Variants in TMEM33 observed in about 807,000 individuals in gnomAD.
The protein encoded by TMEM33 is transmembrane protein 33.
A neutral mutation model predicts 29.7 loss-of-function variants in TMEM33; 16 were observed. The observed-to-expected ratio is 0.54, with a 90% confidence interval of 0.36 to 0.82. The LOEUF (loss-of-function observed/expected upper bound fraction) is 0.82. Among genes scored for constraint, TMEM33 ranks in the 40% least tolerant of loss-of-function variants. The probability of loss-of-function intolerance (pLI) is 0.00; values close to 1 mark genes in which losing one functional copy is unlikely to be tolerated. For missense variants in TMEM33, 252 were observed against 295.3 expected, an observed-to-expected ratio of 0.85 and a Z score of 1.08; for synonymous variants, 112 against 109.4, an observed-to-expected ratio of 1.02 and a Z score of -0.15.
intron 1 of TMEM33, 60 bp downstream of exon 1, chr4:41,935,589 C>T: frequency 6.5e-7 from 1 of 1,533,862 alleles, no homozygotes. Context: ...AAGCAGGAAG[C>T]GTTGCGAGTC....
upstream of TMEM33, chr4:41,935,191 C>T (rs563680606): frequency 9.2e-6 from 5 of 543,238 alleles, no homozygotes; most frequent in South Asian, 8.2e-5. Flanking sequence ...CTCTTTAGGG[C>T]TTCACCCCGA....
In TMEM33 at chr4:41,935,549, A is replaced by T. The variant is rs921171856; in HGVS notation, c.45+20A>T. The T allele has an allele frequency of 6.9e-6, 11 of 1,598,118 alleles. No homozygotes were observed. The highest frequency in any genetic ancestry group is 9.4e-6 in the Non-Finnish European group (11 of 1,172,386). Reference sequence around the variant, plus strand: ...GCTGTGGTAAGTGCGAGGGCAGGGTAGTCTGGCTTGATTTGCAAGAGTTAG... The same window carrying T: ...GCTGTGGTAAGTGCGAGGGCAGGGTTGTCTGGCTTGATTTGCAAGAGTTAG... On this transcript the variant is annotated intron_variant, in intron 1 of 6. Coordinates refer to ENST00000504986, the MANE Select transcript of TMEM33 (RefSeq NM_018126.3).
At chr4:41,939,466 A>AC in intron 3 of TMEM33, 83 bp downstream of exon 3, 1 of 1,438,542 alleles carries the variant, frequency 7.0e-7, no homozygotes, top group Non-Finnish European at 9.5e-7. Context: ...CAATGAAGGC[A>AC]TTCCATGAAG....
rs372010259 is a variant in TMEM33, at chr4:41,935,532, A to G, written c.45+3A>G. ...GCCCCCAAGGGGCGGGCGCTGTGGTAAGTGCGAGGGCAGGGTAGTCTGGCT... is the reference window on the plus strand; with the variant it reads ...GCCCCCAAGGGGCGGGCGCTGTGGTGAGTGCGAGGGCAGGGTAGTCTGGCT... On this transcript the variant is annotated splice_donor_region_variant and intron_variant, in intron 1 of 6. Transcript: ENST00000504986. 3 of 1,605,790 alleles carry G rather than the reference A, an allele frequency of 1.9e-6. No individual in the cohort carries two copies. Among genetic ancestry groups the G allele is most frequent in the African/African-American group, 2.7e-5 (2 of 74,888 alleles).
chr4:41,944,445 T>C (rs1056710976), intron 4 of TMEM33, among the ~76,000 whole-genome samples: 1 of 152,202 alleles, frequency 6.6e-6, no homozygotes, highest in Non-Finnish European at 1.5e-5. Flanking sequence ...TAACATTAGC[T>C]AAGAAAGGAG....
In TMEM33 at chr4:41,935,441, C is replaced by A; in HGVS notation, c.-44C>A. 1 of 1,580,764 alleles carries A rather than the reference C, an allele frequency of 6.3e-7. No individual in the cohort carries two copies. On this transcript the variant is annotated 5_prime_UTR_variant, in exon 1 of 7. Transcript: ENST00000504986. Reference sequence around the variant, plus strand: ...GCTGACGTTTTCTCTCCCCTTTCTTCTCTCTTCGCGGTTGCGGCGTCGCAG... The same window carrying A: ...GCTGACGTTTTCTCTCCCCTTTCTTATCTCTTCGCGGTTGCGGCGTCGCAG...
chr4:41,938,770 A>C lies in TMEM33; in HGVS notation c.140+74A>C, dbSNP rs1712375176. On this transcript the variant is annotated intron_variant, in intron 2 of 6. Transcript: ENST00000504986. Reference sequence around the variant, plus strand: ...TTTATATGGAGTGCCTTTTAGGTGTAAGACTTATTAACCTGTAAAGGGTTT... The same window carrying C: ...TTTATATGGAGTGCCTTTTAGGTGTCAGACTTATTAACCTGTAAAGGGTTT... 1.2e-5 allele frequency: 17 copies of C among 1,391,140 alleles called. No individual in the cohort carries two copies. The South Asian group carries it at 1.7e-4, about 14-fold the overall frequency. 86.2% of individuals were successfully genotyped at this position (1,391,140 alleles called of 1,614,324 possible).
chr4:41,944,955 G>A, intron 5 of TMEM33, 29 bp downstream of exon 5: 1 of 1,605,024 alleles, frequency 6.2e-7, no homozygotes, highest in Non-Finnish European at 8.5e-7. Context: ...TGTTTTGGGA[G>A]GCTGATGACT....
chr4:41,939,164 C>G, intron 2 of TMEM33, 32 bp from the exon 3 acceptor site: 1 of 1,554,608 alleles, frequency 6.4e-7, no homozygotes, highest in Non-Finnish European at 8.7e-7. Flanking sequence ...TTGTTTATGT[C>G]TCATGATAAC....
chr4:41,953,877 G>T, intron 6 of TMEM33, 193 bp from the exon 7 acceptor site: 1 of 650,650 alleles, frequency 1.5e-6, no homozygotes, highest in South Asian at 1.5e-5. Context: ...GGAAGAATTG[G>T]CAAAGTGTGA....
intron 1 of TMEM33, among the ~76,000 whole-genome samples, chr4:41,936,446 G>A (rs1232745211): frequency 1.3e-5 from 2 of 152,218 alleles, no homozygotes; most frequent in African/African-American, 4.8e-5. Flanking sequence ...GGGAGGCCAA[G>A]GCGGGTGGAT....
rs1444743242 is a variant in TMEM33 at position 41,955,172 on chromosome 4, A to C, written c.*973A>C. On this transcript the variant is annotated 3_prime_UTR_variant, in exon 7 of 7. Transcript: ENST00000504986. The stretch of plus-strand genomic sequence containing the variant: ...AATAATAATGGAGAGTATACTGTAG[A>C]TTACATGTTTACCCATCAAATCTGA... 1 of 152,568 alleles carries C rather than the reference A, an allele frequency of 6.6e-6. No homozygotes were observed. Among genetic ancestry groups the C allele is most frequent in the African/African-American group, 2.4e-5 (1 of 41,426 alleles). The allele number at this position is 152,568 out of a possible 1,614,324, so 9.5% of individuals were successfully genotyped here.
At chr4:41,939,095 A>T (rs1001504000) in intron 2 of TMEM33, 101 bp from the exon 3 acceptor site, 1 of 1,176,902 alleles carries the variant, frequency 8.5e-7, no homozygotes, top group African/African-American at 1.6e-5. Context: ...TCTATTGACA[A>T]GTGATTTAGG....
At position 41,957,124 on chromosome 4, in the gene TMEM33, A is replaced by C. The variant is rs1450291399; in HGVS notation, c.*2925A>C. ...GTTCTTCTGGCATTTTTAAATATTA[A>C]ACCTTTTTGGATAGATGGAAGCCTT... is the stretch of plus-strand genomic sequence containing the variant. On this transcript the variant is annotated 3_prime_UTR_variant, in exon 7 of 7. Transcript: ENST00000504986. The C allele has an allele frequency of 6.6e-6, 1 of 152,114 alleles. No homozygotes were observed. Among genetic ancestry groups the C allele is most frequent in the Non-Finnish European group, 1.5e-5 (1 of 67,982 alleles). The allele number at this position is 152,114 out of a possible 1,614,324, so 9.4% of individuals were successfully genotyped here. A position where few individuals can be genotyped will look rare whatever the true frequency, so the allele number is the denominator to read the frequency against.
intron 3 of TMEM33, among the ~76,000 whole-genome samples, chr4:41,941,749 T>C (rs1712551140): frequency 6.6e-6 from 1 of 152,220 alleles, no homozygotes; most frequent in Non-Finnish European, 1.5e-5. Flanking sequence ...AGTGATATGG[T>C]AATAAATAAA....
intron 1 of TMEM33, among the ~76,000 whole-genome samples, chr4:41,936,117 A>T (rs1712218569): frequency 6.6e-6 from 1 of 152,230 alleles, no homozygotes; most frequent in Non-Finnish European, 1.5e-5. Flanking sequence ...ATAAGTAGTT[A>T]AGTATTATTC....
intron 3 of TMEM33, among the ~76,000 whole-genome samples, chr4:41,941,407 T>C (rs1712536998): frequency 6.6e-6 from 1 of 152,220 alleles, no homozygotes; most frequent in South Asian, 2.1e-4. Flanking sequence ...TAGCTTAAAA[T>C]TTCTTTGGAG....
rs1419444698 is a variant in TMEM33, at chr4:41,955,592, G to A, written c.*1393G>A. 1 of 152,506 alleles carries A rather than the reference G, an allele frequency of 6.6e-6. No individual in the cohort carries two copies. Among genetic ancestry groups the A allele is most frequent in the Admixed American group, 6.6e-5 (1 of 15,258 alleles). The allele number at this position is 152,506 out of a possible 1,614,324, so 9.4% of individuals were successfully genotyped here. ...TTCATCTCCTTATCTATAAAAAGGG[G>A]ATATTCTTAGGATAAATACATGAAA... On this transcript the variant is annotated 3_prime_UTR_variant, in exon 7 of 7. Coordinates refer to ENST00000504986, the MANE Select transcript of TMEM33 (RefSeq NM_018126.3).
At chr4:41,950,277 T>C (rs561663980) in intron 6 of TMEM33, among the ~76,000 whole-genome samples, 1 of 152,284 alleles carries the variant, frequency 6.6e-6, no homozygotes, top group South Asian at 2.1e-4. Context: ...ACTCAAATAC[T>C]AATATTAAGA....
Sources: gnomAD v4.1 joint callset for allele counts (sites outside exome capture counted in the v4.1 genomes callset) on GRCh38, gnomAD v4.1.1 for gene constraint, MANE v1.5 for transcripts, NCBI Gene and HGNC (gene_info 2026-07-23, HGNC 2026-07-21) for gene names.